The following ASMT variants were observed in gnomAD, a reference collection of about 807,000 sequenced individuals.
ASMT encodes the protein acetylserotonin N-methyltransferase.
A neutral mutation model predicts 41.3 loss-of-function variants in ASMT; 53 were observed. That is an observed-to-expected ratio of 1.28 (90% CI 1.03 to 1.61). The LOEUF is 1.61. Ranked by LOEUF, ASMT falls within the 40% of genes most tolerant of loss-of-function variation. The pLI is 0.00. For missense variants in ASMT, 531 were observed against 441.3 expected (o/e 1.20, Z -1.82); for synonymous variants, 231 against 184.8 (o/e 1.25, Z -2.03).
At chrX:1,632,373 C>G (rs773684993) in intron 5 of ASMT, among the ~76,000 whole-genome samples, 1 of 151,894 alleles carries the variant, frequency 6.6e-6, no homozygotes, top group South Asian at 2.1e-4. Context: ...TGAGTTCGGC[C>G]GGGCGCGGTG....
At chrX:1,636,323 C>G in intron 7 of ASMT, 115 bp from the exon 8 acceptor site, 1 of 1,492,190 alleles carries the variant, frequency 6.7e-7, no homozygotes, top group Non-Finnish European at 9.4e-7. Context: ...GGTGACTAGC[C>G]TGGAAGACCT....
chrX:1,633,204 T>A lies in ASMT; in HGVS notation c.701T>A (p.Ile234Asn), dbSNP rs1934842009. The A allele has an allele frequency of 6.2e-7, 1 of 1,613,720 alleles. No individual in the cohort carries two copies. The highest frequency in any genetic ancestry group is 8.5e-7 in the Non-Finnish European group (1 of 1,179,834). The change falls in exon 7 of 9, where the codon ATC becomes AAC. Residue 234 changes from isoleucine (I) to asparagine (N), a missense_variant. By Grantham distance (149) the Ile-to-Asn change is moderately radical (BLOSUM62 -3). Coordinates refer to ENST00000381241, the MANE Select transcript of ASMT (RefSeq NM_001171038.2). ...ECMSLYPGCK[I>N]TVFDIPEVVW... ...ATGTCTCTGTACCCTGGATGTAAGA[T>A]CACCGTTTTTGACATCCCAGAAGTG... is the stretch of plus-strand genomic sequence containing the variant.
chrX:1,623,010 T>A (rs1398221115), intron 1 of ASMT, 129 bp from the exon 2 acceptor site: 112 of 816,268 alleles, frequency 1.4e-4, no homozygotes, highest in African/African-American at 3.3e-4. Flanking sequence ...AAAAAAAAAA[T>A]AAATAAATGA....
At chrX:1,626,984 G>A (rs1208115269) in intron 3 of ASMT, among the ~76,000 whole-genome samples, 3 of 150,414 alleles carry the variant, frequency 2.0e-5, no homozygotes, top group South Asian at 2.1e-4. Flanking sequence ...AGCCAAGATC[G>A]CGCCATTGCA....
rs758097049 is a variant in ASMT at position 1,641,691 on chromosome X, G to A, written c.911-1112G>A. On this transcript the variant is annotated intron_variant, in intron 8 of 8. Transcript: ENST00000381241. ...GTACATGGACACAGCCTCTCTGTGT[G>A]AGATGGGGACAGTGTCCCAGTTCTC... Among the ~76,000 whole-genome samples, 213 of 147,588 alleles carry A rather than the reference G, an allele frequency of 1.4e-3. 5 individuals are homozygous for A. Among genetic ancestry groups the A allele is most frequent in the Non-Finnish European group, 2.0e-3 (133 of 67,034 alleles).
intron 7 of ASMT, among the ~76,000 whole-genome samples, chrX:1,635,276 G>A (rs7881098): frequency 0.11 from 17,221 of 151,560 alleles, 1,120 homozygotes; most frequent in South Asian, 0.2. Context: ...GAGCCACCGC[G>A]CCTGGCCTGA....
intron 5 of ASMT, among the ~76,000 whole-genome samples, chrX:1,632,380 G>A (rs187938009): frequency 4.6e-5 from 7 of 152,218 alleles, no homozygotes; most frequent in African/African-American, 1.7e-4. Context: ...GGCCGGGCGC[G>A]GTGGCTCACG....
At chrX:1,619,145 C>G (rs1471268660) in intron 1 of ASMT, among the ~76,000 whole-genome samples, 1 of 152,070 alleles carries the variant, frequency 6.6e-6, no homozygotes, top group Non-Finnish European at 1.5e-5. Flanking sequence ...CCTGTAATCC[C>G]AGCACTTTGG....
At chrX:1,617,239 G>A (rs1481719306) in intron 1 of ASMT, among the ~76,000 whole-genome samples, 1 of 151,756 alleles carries the variant, frequency 6.6e-6, no homozygotes, top group African/African-American at 2.4e-5. Flanking sequence ...GGGGTCCAAG[G>A]TGGGCGGATC....
chrX:1,617,037 G>C (rs184944095), intron 1 of ASMT, among the ~76,000 whole-genome samples: 585 of 152,206 alleles, frequency 3.8e-3, no homozygotes, highest in Middle Eastern at 6.8e-3. Context: ...GCCAGGTGGG[G>C]TGGTGCACAC....
At chrX:1,634,116 C>T (rs1485148244) in intron 7 of ASMT, among the ~76,000 whole-genome samples, 9 of 152,054 alleles carry the variant, frequency 5.9e-5, no homozygotes, top group East Asian at 3.8e-4. Flanking sequence ...AGGGTCTCCA[C>T]GACTACCTTC....
chrX:1,636,702 G>T, intron 8 of ASMT, 142 bp downstream of exon 8: 2 of 1,279,310 alleles, frequency 1.6e-6, no homozygotes, highest in South Asian at 2.4e-5. Context: ...TTTAGATAAC[G>T]ACCTGAAATA....
At chrX:1,623,064 T>G in intron 1 of ASMT, 75 bp from the exon 2 acceptor site, 3 of 1,434,170 alleles carry the variant, frequency 2.1e-6, no homozygotes, top group South Asian at 1.1e-5. Flanking sequence ...TAGCCTGCCA[T>G]GGTATGGGGT....
chrX:1,621,915 G>A (rs1278855166), intron 1 of ASMT, among the ~76,000 whole-genome samples: 7 of 151,852 alleles, frequency 4.6e-5, no homozygotes, highest in South Asian at 2.1e-4. Context: ...GGCTGGTCAC[G>A]AACTCACAAC....
At chrX:1,634,268 G>A (rs1454823165) in intron 7 of ASMT, among the ~76,000 whole-genome samples, 2 of 152,210 alleles carry the variant, frequency 1.3e-5, no homozygotes, top group African/African-American at 4.8e-5. Flanking sequence ...GAAACCACAT[G>A]TGAGCTTCTT....
At chrX:1,634,461 C>T (rs1307256671) in intron 7 of ASMT, among the ~76,000 whole-genome samples, 3 of 152,186 alleles carry the variant, frequency 2.0e-5, no homozygotes, top group African/African-American at 4.8e-5. Flanking sequence ...ATCTTCACCT[C>T]TTCCAGAGTT....
intron 4 of ASMT, among the ~76,000 whole-genome samples, chrX:1,628,597 T>C (rs1934647001): frequency 7.3e-6 from 1 of 136,348 alleles, no homozygotes; most frequent in African/African-American, 2.7e-5. Context: ...CCTCCCCTGC[T>C]CTCCCCTCCC....
Position 1,641,381 on chromosome X carries a change from G to A in ASMT, c.911-1422G>A, listed in dbSNP as rs1282071850. 2.9e-5 allele frequency among the ~76,000 whole-genome samples: 4 copies of A among 137,872 alleles called. 1 individual carries two copies. In the East Asian group the frequency reaches 9.1e-4, roughly 31 times the overall value. The allele number at this position is 137,872 out of a possible 152,430, so 90.4% of individuals were successfully genotyped here. Reference sequence around the variant, plus strand: ...TGTGTGTGATAGGGACCATGTCCCAGTGTCCTGTGAGGTCCACCTATCCTG... The same window carrying A: ...TGTGTGTGATAGGGACCATGTCCCAATGTCCTGTGAGGTCCACCTATCCTG... On this transcript the variant is annotated intron_variant, in intron 8 of 8. Coordinates refer to ENST00000381241, the MANE Select transcript of ASMT (RefSeq NM_001171038.2).
chrX:1,629,734 C>T (rs1443369101), intron 4 of ASMT, 87 bp from the exon 5 acceptor site: 11 of 1,224,468 alleles, frequency 9.0e-6, no homozygotes, highest in African/African-American at 2.9e-5. Flanking sequence ...GGTATAGCTC[C>T]GTTCTCAACA....
Sources: allele counts gnomAD v4.1 joint callset (sites outside exome capture counted in the v4.1 genomes callset), GRCh38; gene constraint gnomAD v4.1.1; transcripts MANE v1.5; gene names NCBI Gene and HGNC (gene_info 2026-07-23, HGNC 2026-07-21).